The following FBXL13 variants were observed in gnomAD, a reference collection of about 807,000 sequenced individuals.
FBXL13 encodes the protein F-box and leucine-rich repeat protein 13.
A neutral mutation model predicts 83.6 loss-of-function variants in FBXL13; 67 were observed. The ratio of observed to expected loss-of-function variants is 0.80; its 90% CI spans 0.66 to 0.98. FBXL13 has a LOEUF of 0.98. Among genes scored for constraint, FBXL13 ranks in the 50% least tolerant of loss-of-function variants. FBXL13 has a pLI of 0.00. For missense variants in FBXL13, 822 were observed against 866.5 expected (o/e 0.95, Z 0.64); for synonymous variants, 272 against 299.5 (o/e 0.91, Z 0.95).
At chr7:102,871,906 T>G (rs1461334454) in intron 16 of FBXL13, among the ~76,000 whole-genome samples, 4 of 152,020 alleles carry the variant, frequency 2.6e-5, no homozygotes, top group African/African-American at 2.4e-5. Context: ...CTAAAATACC[T>G]CCTATTTCCC....
chr7:102,934,038 C>T (rs1295393542), intron 8 of FBXL13: 1 of 1,614,090 alleles, frequency 6.2e-7, no homozygotes, highest in East Asian at 2.2e-5. Flanking sequence ...CGGAGAGGCT[C>T]CAACCCGGTC....
intron 16 of FBXL13, among the ~76,000 whole-genome samples, chr7:102,861,327 T>C (rs779430967): frequency 4.4e-4 from 67 of 152,268 alleles, no homozygotes; most frequent in Non-Finnish European, 7.8e-4. Flanking sequence ...GACATTGACT[T>C]TTTTTAAGGG....
At chr7:103,043,416 T>C (rs1224331686) in intron 2 of FBXL13, among the ~76,000 whole-genome samples, 1 of 152,210 alleles carries the variant, frequency 6.6e-6, no homozygotes, top group Non-Finnish European at 1.5e-5. Context: ...AGTGTGGTGA[T>C]TCCTCAAGGA....
intron 17 of FBXL13, among the ~76,000 whole-genome samples, chr7:102,847,835 C>A (rs889125094): frequency 6.6e-6 from 1 of 151,960 alleles, no homozygotes; most frequent in Non-Finnish European, 1.5e-5. Flanking sequence ...AACCAACAAA[C>A]CAATTTTTAT....
At chr7:102,866,550 C>G (rs1218835430) in intron 16 of FBXL13, among the ~76,000 whole-genome samples, 2 of 152,204 alleles carry the variant, frequency 1.3e-5, no homozygotes, top group African/African-American at 2.4e-5. Flanking sequence ...TGCTTCCTTT[C>G]AACTCTCATT....
chr7:103,031,707 T>C (rs1304689686), intron 2 of FBXL13, among the ~76,000 whole-genome samples: 1 of 151,940 alleles, frequency 6.6e-6, no homozygotes, highest in Non-Finnish European at 1.5e-5. Flanking sequence ...AGTCTGGAAA[T>C]AAAAGAAAAA....
chr7:102,943,524 C>A (rs1344852163), intron 8 of FBXL13, among the ~76,000 whole-genome samples: 1 of 152,100 alleles, frequency 6.6e-6, no homozygotes, highest in Admixed American at 6.5e-5. Flanking sequence ...ATTCTCTCCA[C>A]AAAGGTAGTA....
chr7:103,017,949 A>G (rs1406171930), intron 6 of FBXL13, among the ~76,000 whole-genome samples: 2 of 152,180 alleles, frequency 1.3e-5, no homozygotes, highest in African/African-American at 4.8e-5. Flanking sequence ...GCAGGCCAAC[A>G]TTCAAATTCA....
intron 17 of FBXL13, among the ~76,000 whole-genome samples, chr7:102,833,790 C>A (rs1159859827): frequency 6.6e-6 from 1 of 151,824 alleles, no homozygotes; most frequent in Non-Finnish European, 1.5e-5. Context: ...GAAATGTTCA[C>A]CTGAAATATC....
chr7:102,863,168 T>C (rs1217588343), intron 16 of FBXL13, among the ~76,000 whole-genome samples: 1 of 152,254 alleles, frequency 6.6e-6, no homozygotes, highest in Non-Finnish European at 1.5e-5. Context: ...GAAAGATGAA[T>C]GCTCATGATG....
chr7:102,957,581 A>G (rs981991847), intron 8 of FBXL13, among the ~76,000 whole-genome samples: 4 of 152,292 alleles, frequency 2.6e-5, no homozygotes, highest in African/African-American at 7.2e-5. Flanking sequence ...AAAAACTGCC[A>G]TCAGAGTGAA....
At chr7:102,879,469 G>GTGTC (rs1287906850) in intron 14 of FBXL13, among the ~76,000 whole-genome samples, 3 of 151,812 alleles carry the variant, frequency 2.0e-5, no homozygotes, top group Admixed American at 2.0e-4. Flanking sequence ...GTGTGTGTGT[G>GTGTC]TGTAGAAATT....
chr7:102,999,610 G>A (rs1375807880), intron 6 of FBXL13, among the ~76,000 whole-genome samples: 1 of 152,012 alleles, frequency 6.6e-6, no homozygotes, highest in Non-Finnish European at 1.5e-5. Context: ...GGGTGTATTT[G>A]GGTTTTCTAT....
At chr7:102,871,363 A>C (rs1808503013) in intron 16 of FBXL13, among the ~76,000 whole-genome samples, 1 of 152,106 alleles carries the variant, frequency 6.6e-6, no homozygotes, top group Admixed American at 6.6e-5. Context: ...CCATCCTCCC[A>C]AAGCCAGATT....
At chr7:102,813,826 T>C (rs1205296582) in intron 19 of FBXL13, among the ~76,000 whole-genome samples, 18 of 152,176 alleles carry the variant, frequency 1.2e-4, no homozygotes, top group Admixed American at 1.2e-3. Flanking sequence ...TTATACTGCT[T>C]TAAGTAAGCC....
At chr7:102,831,691 G>C (rs1292625454) in intron 18 of FBXL13, among the ~76,000 whole-genome samples, 1 of 152,124 alleles carries the variant, frequency 6.6e-6, no homozygotes, top group African/African-American at 2.4e-5. Flanking sequence ...GTGTAAATCA[G>C]ATTTTTTTTT....
chr7:102,830,437 T>C (rs1380211734), intron 18 of FBXL13, among the ~76,000 whole-genome samples: 1 of 152,192 alleles, frequency 6.6e-6, no homozygotes, highest in Non-Finnish European at 1.5e-5. Context: ...CTGTTTAAGT[T>C]GCAGAGAGTC....
intron 2 of FBXL13, among the ~76,000 whole-genome samples, chr7:103,033,701 T>A (rs1302114500): frequency 6.6e-6 from 1 of 152,040 alleles, no homozygotes; most frequent in Non-Finnish European, 1.5e-5. Flanking sequence ...ATAAAGGCAA[T>A]GTGGACCCAA....
intron 11 of FBXL13, among the ~76,000 whole-genome samples, chr7:102,896,687 T>A (rs556800758): frequency 2.6e-5 from 4 of 152,190 alleles, no homozygotes; most frequent in Non-Finnish European, 5.9e-5. Context: ...CAGGTTCACA[T>A]AGCATTCTCC....
Sources: allele counts gnomAD v4.1 joint callset (sites outside exome capture counted in the v4.1 genomes callset), GRCh38; gene constraint gnomAD v4.1.1; transcripts MANE v1.5; gene names NCBI Gene and HGNC (gene_info 2026-07-23, HGNC 2026-07-21).